The following AGBL3 variants were observed in gnomAD, a reference collection of about 807,000 sequenced individuals.
The protein encoded by AGBL3 is cytosolic carboxypeptidase 3.
In AGBL3, 68 loss-of-function variants were observed where a neutral mutation model predicts 94.5. The ratio of observed to expected loss-of-function variants is 0.72; its 90% confidence interval spans 0.59 to 0.88. The LOEUF is 0.88. Among genes scored for constraint, AGBL3 ranks in the 40% least tolerant of loss-of-function variants. AGBL3 has a pLI of 0.00. For synonymous variants in AGBL3, 354 were observed against 370.7 expected (o/e 0.95, Z 0.52); for missense variants, 934 against 1,103.8 (o/e 0.85, Z 2.18).
chr7:134,989,107 C>T (rs1809877578), intron 2 of AGBL3, 143 bp from the exon 3 acceptor site: 1 of 588,472 alleles, frequency 1.7e-6, no homozygotes, highest in Admixed American at 3.3e-5. Context: ...AGACCAGTAG[C>T]TGATAATAAT....
chr7:135,094,316 A>C, intron 15 of AGBL3: 1 of 453,012 alleles, frequency 2.2e-6, no homozygotes, highest in South Asian at 1.6e-5. Flanking sequence ...TGACAAGTAA[A>C]CTACTACCCT....
At position 135,134,848 on chromosome 7, in the gene AGBL3, C is replaced by T. The variant is rs1330369251; in HGVS notation, c.2350C>T (p.Pro784Ser). The T allele has an allele frequency of 5.2e-6, 8 of 1,549,214 alleles. No individual in the cohort carries two copies. The highest frequency in any genetic ancestry group is 5.2e-6 in the Non-Finnish European group (6 of 1,145,440). ...ATTTCATTTCTTTTCTAGACTAAATCCGGCTACTTGCAGAAATATAAAGAA... is the reference window on the plus strand; with the variant it reads ...ATTTCATTTCTTTTCTAGACTAAATTCGGCTACTTGCAGAAATATAAAGAA... The part of the protein sequence containing the change: ...TNFQIQHQLN[P>S]ATCRNIKKYS... The change falls in exon 17 of 17, where the codon CCG becomes TCG. Residue 784 changes from proline to serine, a missense_variant. Transcript: ENST00000436302.
At position 135,108,443 on chromosome 7, in the gene AGBL3, C is replaced by T. The variant is rs536254910; in HGVS notation, c.2111-6937C>T. Among the ~76,000 whole-genome samples the T allele has an allele frequency of 1.1e-4, 17 of 152,200 alleles. No individual in the cohort carries two copies. The East Asian group carries it at 3.3e-3, about 29-fold the overall frequency. On this transcript the variant is annotated intron_variant, in intron 15 of 16. Coordinates refer to ENST00000436302, the MANE Select transcript of AGBL3 (RefSeq NM_178563.4). ...CAGCATTGGCTTATCTAAAATGGAT[C>T]TTATTTCTCCTTCACTGAGGAAGCT... is the stretch of plus-strand genomic sequence containing the variant.
At chr7:135,088,703 T>C (rs1172604478) in intron 15 of AGBL3, among the ~76,000 whole-genome samples, 2 of 152,200 alleles carry the variant, frequency 1.3e-5, no homozygotes, top group Non-Finnish European at 2.9e-5. Context: ...CATCCCATTC[T>C]CTTCTAGCCT....
rs372990412 is a variant in AGBL3, at chr7:135,032,960, A to G, written c.535A>G (p.Asn179Asp). Residue 179 changes from asparagine to aspartate, a missense_variant, in exon 6 of 17, where the codon AAT becomes GAT. Around this residue, in one of 3 missense-constraint regions of AGBL3, gnomAD observed 488 missense variants for 563.6 expected, o/e 0.87. Transcript: ENST00000436302. Reference protein sequence around the residue: ...LMFEARFESGNLQKVVKVAEY... With the variant: ...LMFEARFESGDLQKVVKVAEY... Reference sequence around the variant, plus strand: ...GTTTGAAGCAAGGTTTGAGAGTGGTAATCTACAGAAGGTAGTCAAAGTGTA... The same window carrying G: ...GTTTGAAGCAAGGTTTGAGAGTGGTGATCTACAGAAGGTAGTCAAAGTGTA... 3.2e-6 allele frequency: 5 copies of G among 1,550,812 alleles called. No individual in the cohort carries two copies. The highest frequency in any genetic ancestry group is 2.7e-5 in the African/African-American group (2 of 72,960).
In AGBL3 at chr7:135,034,272, C is replaced by T. The variant is rs1816077439; in HGVS notation, c.681C>T (p.Asn227=). 1 of 1,551,674 alleles carries T rather than the reference C, an allele frequency of 6.4e-7. No individual in the cohort carries two copies. Among genetic ancestry groups the T allele is most frequent in the Non-Finnish European group, 8.7e-7 (1 of 1,147,024 alleles). ...AGIVYRFTIV[N]FTKPASLYSR... ...TAGTCTACAGATTCACTATTGTCAA[C>T]TTCACCAAACCTGCTAGTCTTTACA... is the stretch of plus-strand genomic sequence containing the variant. The change falls in exon 7 of 17, where the codon AAC becomes AAT. Residue 227 remains asparagine, a synonymous_variant. Transcript: ENST00000436302.
intron 4 of AGBL3, among the ~76,000 whole-genome samples, chr7:134,996,389 G>A (rs1376244142): frequency 1.3e-5 from 2 of 152,146 alleles, no homozygotes; most frequent in African/African-American, 2.4e-5. Context: ...CTGGCCATGC[G>A]GGGGACATGA....
chr7:135,076,678 A>G (rs984148351), intron 13 of AGBL3, among the ~76,000 whole-genome samples: 1 of 152,230 alleles, frequency 6.6e-6, no homozygotes, highest in Non-Finnish European at 1.5e-5. Flanking sequence ...TTTCATTTAT[A>G]CTTTTACCTT....
At chr7:135,115,933 G>A (rs1826252788) in intron 16 of AGBL3, 1 of 184,308 alleles carries the variant, frequency 5.4e-6, no homozygotes, top group Non-Finnish European at 1.1e-5. Context: ...TAATCCTATG[G>A]GGTAACCAGA....
chr7:135,051,629 T>C (rs1018793738), intron 11 of AGBL3, among the ~76,000 whole-genome samples: 1 of 152,098 alleles, frequency 6.6e-6, no homozygotes, highest in Admixed American at 6.6e-5. Flanking sequence ...TTAGGAAATA[T>C]GTGTTTTCAT....
Position 135,059,165 on chromosome 7 carries a change from G to A in AGBL3, c.1842-4G>A, listed in dbSNP as rs765313831. Reference sequence around the variant, plus strand: ...TGTATAAACCAAAATTATTTTTTTTGTAGTAGCCGAGGCTCTGACAGTTCA... The same window carrying A: ...TGTATAAACCAAAATTATTTTTTTTATAGTAGCCGAGGCTCTGACAGTTCA... On this transcript the variant is annotated splice_region_variant and splice_polypyrimidine_tract_variant and intron_variant, in intron 11 of 16. Coordinates refer to ENST00000436302, the MANE Select transcript of AGBL3 (RefSeq NM_178563.4). The A allele has an allele frequency of 1.3e-6, 2 of 1,545,472 alleles. No homozygotes were observed. The highest frequency in any genetic ancestry group is 1.4e-5 in the African/African-American group (1 of 72,650).
At chr7:135,113,054 A>G (rs1175206209) in intron 15 of AGBL3, among the ~76,000 whole-genome samples, 3 of 152,156 alleles carry the variant, frequency 2.0e-5, no homozygotes, top group African/African-American at 7.2e-5. Flanking sequence ...TGAGATTACA[A>G]GCATGAGCTA....
chr7:135,119,316 G>A (rs928278389), intron 16 of AGBL3, among the ~76,000 whole-genome samples: 7 of 151,612 alleles, frequency 4.6e-5, no homozygotes, highest in African/African-American at 9.7e-5. Context: ...TGAAACCTCC[G>A]CCTCCTGGGT....
intron 4 of AGBL3, among the ~76,000 whole-genome samples, chr7:135,001,795 T>G (rs554904509): frequency 5.9e-5 from 9 of 152,362 alleles, no homozygotes; most frequent in African/African-American, 2.2e-4. Flanking sequence ...GTGTCAGGAT[T>G]TGCCTCAACA....
chr7:135,117,535 C>T (rs1563283734), intron 16 of AGBL3, among the ~76,000 whole-genome samples: 1 of 152,144 alleles, frequency 6.6e-6, no homozygotes, highest in Admixed American at 6.5e-5. Context: ...TCACTTTACC[C>T]TGAAATCACT....
intron 12 of AGBL3, among the ~76,000 whole-genome samples, chr7:135,074,460 G>C (rs1339279452): frequency 6.6e-6 from 1 of 152,086 alleles, no homozygotes; most frequent in African/African-American, 2.4e-5. Flanking sequence ...CTGGGGACAT[G>C]AACAACAAAT....
At position 135,045,543 on chromosome 7, in the gene AGBL3, T is replaced by C. The variant is rs1438214721; in HGVS notation, c.1697T>C (p.Leu566Pro). ...ESMGYHFCDS[L>P]LDYCDPDRTK... ...ATGGGATATCATTTTTGTGATTCTCTCTTGGATTATTGTGATCCCGACCGG... is the reference window on the plus strand; with the variant it reads ...ATGGGATATCATTTTTGTGATTCTCCCTTGGATTATTGTGATCCCGACCGG... The change falls in exon 10 of 17, where the codon CTC (leucine) becomes CCC (proline). Residue 566 changes from leucine to proline, a missense_variant. Leu to Pro is a moderately conservative substitution (Grantham distance 98). Coordinates refer to ENST00000436302, the MANE Select transcript of AGBL3 (RefSeq NM_178563.4). 6.4e-7 allele frequency: 1 copy of C among 1,551,042 alleles called. No individual in the cohort carries two copies. The highest frequency in any genetic ancestry group is 1.4e-5 in the African/African-American group (1 of 72,994).
intron 12 of AGBL3, among the ~76,000 whole-genome samples, chr7:135,065,182 T>C (rs150817171): frequency 6.5e-4 from 99 of 152,336 alleles, no homozygotes; most frequent in African/African-American, 2.3e-3. Flanking sequence ...GTTCATGAAA[T>C]TGAAGACACA....
Position 135,035,027 on chromosome 7 carries a change from A to G in AGBL3, c.1337+99A>G, listed in dbSNP as rs142419174. 323 of 1,082,852 alleles carry G rather than the reference A, an allele frequency of 3.0e-4. 4 individuals are homozygous for G. In the African/African-American group the frequency reaches 4.5e-3, roughly 15 times the overall value. The allele number at this position is 1,082,852 out of a possible 1,614,324, so 67.1% of individuals were successfully genotyped here. A position where few individuals can be genotyped will look rare whatever the true frequency, so the allele number is the denominator to read the frequency against. The stretch of plus-strand genomic sequence containing the variant: ...ATTCATTTTACTGTAACTTCTCAAG[A>G]TAGTCTAACTACTGTATAACTACTT... On this transcript the variant is annotated intron_variant, in intron 7 of 16. Transcript: ENST00000436302.
Sources: gnomAD v4.1 joint callset for allele counts (sites outside exome capture counted in the v4.1 genomes callset) on GRCh38, gnomAD v4.1.1 for gene constraint, gnomAD v4.1.1 regional missense constraint, MANE v1.5 for transcripts, NCBI Gene and HGNC (gene_info 2026-07-23, HGNC 2026-07-21) for gene names.